Variants in BMERB1 observed in about 807,000 individuals in gnomAD.
BMERB1 encodes the protein bMERB domain-containing protein 1.
Under a neutral mutation model 23.6 loss-of-function variants are expected in BMERB1, and 12 were observed. The observed-to-expected ratio is 0.51, with a 90% CI of 0.33 to 0.82. The LOEUF (loss-of-function observed/expected upper bound fraction) is 0.82. BMERB1 is among the 40% of genes least tolerant of loss of function. The pLI is 0.03. For missense variants in BMERB1, 247 were observed against 255.4 expected, an observed-to-expected ratio of 0.97 and a Z score of 0.22; for synonymous variants, 122 against 96.6, an observed-to-expected ratio of 1.26 and a Z score of -1.54.
chr16:15,496,142 T>C (rs111996152), intron 1 of BMERB1, among the ~76,000 whole-genome samples: 2,560 of 149,080 alleles, frequency 0.017, 78 homozygotes, highest in African/African-American at 0.064. Context: ...GTGATAATGG[T>C]GACGATGACA....
chr16:15,483,051 T>C (rs1020706561), intron 1 of BMERB1, among the ~76,000 whole-genome samples: 1 of 152,216 alleles, frequency 6.6e-6, no homozygotes, highest in Non-Finnish European at 1.5e-5. Flanking sequence ...CCTTTTAATA[T>C]TTTTCCTGTG....
intron 1 of BMERB1, among the ~76,000 whole-genome samples, chr16:15,451,876 C>T (rs1022805664): frequency 6.6e-6 from 1 of 151,324 alleles, no homozygotes; most frequent in African/African-American, 2.4e-5. Flanking sequence ...GCATCTGGCT[C>T]TCTGAGTATT....
At chr16:15,481,899 A>T (rs1044820261) in intron 1 of BMERB1, among the ~76,000 whole-genome samples, 3 of 144,076 alleles carry the variant, frequency 2.1e-5, no homozygotes, top group African/African-American at 7.7e-5. Context: ...AAATTTTTGT[A>T]TTTTTTTTTT....
chr16:15,491,115 G>T (rs1442555366), intron 1 of BMERB1, among the ~76,000 whole-genome samples: 1 of 152,244 alleles, frequency 6.6e-6, no homozygotes, highest in Non-Finnish European at 1.5e-5. Context: ...CTCCCAAAGT[G>T]TTGGGATTAC....
intron 5 of BMERB1, 108 bp downstream of exon 5, chr16:15,583,346 G>A: frequency 1.1e-6 from 1 of 887,202 alleles, no homozygotes; most frequent in Non-Finnish European, 1.9e-6. Context: ...GAGAGGCCAA[G>A]GTGGGTGGAT....
intron 1 of BMERB1, among the ~76,000 whole-genome samples, chr16:15,453,982 C>T (rs187553256): frequency 1.3e-5 from 2 of 152,274 alleles, no homozygotes; most frequent in Non-Finnish European, 2.9e-5. Flanking sequence ...TTCCTCTCCT[C>T]CTCTTCTTCC....
chr16:15,449,875 T>C (rs2150923711), intron 1 of BMERB1, among the ~76,000 whole-genome samples: 1 of 152,196 alleles, frequency 6.6e-6, no homozygotes, highest in Middle Eastern at 3.4e-3. Flanking sequence ...ATCTAGTATT[T>C]AGACTAGAGA....
At chr16:15,558,211 G>C (rs2030320624) in intron 2 of BMERB1, among the ~76,000 whole-genome samples, 1 of 152,110 alleles carries the variant, frequency 6.6e-6, no homozygotes, top group Non-Finnish European at 1.5e-5. Flanking sequence ...GCCAATCGCT[G>C]TTATGATGGA....
chr16:15,512,012 CAAAA>C (rs57021793), intron 1 of BMERB1, among the ~76,000 whole-genome samples: 3 of 61,126 alleles, frequency 4.9e-5, no homozygotes, highest in South Asian at 1.3e-3. Context: ...GACTTGCTCT[CAAAA>C]AAAAAAAAAA....
At chr16:15,459,960 T>G (rs999832406) in intron 1 of BMERB1, among the ~76,000 whole-genome samples, 5 of 152,124 alleles carry the variant, frequency 3.3e-5, no homozygotes, top group Admixed American at 1.3e-4. Flanking sequence ...TTCCTTTAAT[T>G]GGTCTTCTTC....
At chr16:15,460,382 G>T (rs924370421) in intron 1 of BMERB1, among the ~76,000 whole-genome samples, 5 of 152,080 alleles carry the variant, frequency 3.3e-5, no homozygotes, top group Non-Finnish European at 7.4e-5. Flanking sequence ...AGAGTATCAG[G>T]GTGGATATAT....
chr16:15,447,893 A>T (rs1047414166), intron 1 of BMERB1: 1 of 455,726 alleles, frequency 2.2e-6, no homozygotes, highest in Admixed American at 2.4e-5. Flanking sequence ...GCATTTATTT[A>T]TTTATTTATT....
chr16:15,461,230 G>C (rs1406733437), intron 1 of BMERB1, among the ~76,000 whole-genome samples: 9 of 152,030 alleles, frequency 5.9e-5, no homozygotes, highest in African/African-American at 1.9e-4. Flanking sequence ...ACATTTTGCT[G>C]TGGGAGGAGC....
intron 1 of BMERB1, among the ~76,000 whole-genome samples, chr16:15,457,981 C>T (rs938613861): frequency 1.3e-5 from 2 of 152,162 alleles, no homozygotes; most frequent in Non-Finnish European, 2.9e-5. Flanking sequence ...CATCAGGTCT[C>T]TCGAGAATTC....
chr16:15,500,869 G>A (rs1225912093), intron 1 of BMERB1, among the ~76,000 whole-genome samples: 1 of 151,986 alleles, frequency 6.6e-6, no homozygotes, highest in African/African-American at 2.4e-5. Context: ...CCAGGCTGGT[G>A]TCGATCTCCT....
intron 1 of BMERB1, among the ~76,000 whole-genome samples, chr16:15,437,338 C>A (rs2050896777): frequency 6.6e-6 from 1 of 152,160 alleles, no homozygotes; most frequent in Non-Finnish European, 1.5e-5. Flanking sequence ...ACTCTGCCTT[C>A]ATTTTCTGAA....
At chr16:15,567,368 C>A (rs893267557) in intron 2 of BMERB1, among the ~76,000 whole-genome samples, 4 of 152,228 alleles carry the variant, frequency 2.6e-5, no homozygotes, top group Admixed American at 2.6e-4. Context: ...AAAAACGAAA[C>A]TGAATATGCC....
intron 4 of BMERB1, among the ~76,000 whole-genome samples, chr16:15,582,784 G>A (rs2031048516): frequency 6.6e-6 from 1 of 152,190 alleles, no homozygotes; most frequent in Admixed American, 6.5e-5. Flanking sequence ...GAGCTGGGGT[G>A]ACTCGCTCTC....
At chr16:15,570,103 G>T (rs1366802923) in intron 3 of BMERB1, among the ~76,000 whole-genome samples, 1 of 152,138 alleles carries the variant, frequency 6.6e-6, no homozygotes, top group Non-Finnish European at 1.5e-5. Context: ...TTTTTGCAAA[G>T]GTGTTTTCAA....
Sources: allele counts gnomAD v4.1 joint callset (sites outside exome capture counted in the v4.1 genomes callset), GRCh38; gene constraint gnomAD v4.1.1; transcripts MANE v1.5; gene names NCBI Gene and HGNC (gene_info 2026-07-23, HGNC 2026-07-21).